Variants in CDH12 observed in about 807,000 individuals in gnomAD.
CDH12 encodes cadherin-12.
A neutral mutation model predicts 74.1 loss-of-function variants in CDH12; 41 were observed. The observed-to-expected ratio is 0.55, with a 90% confidence interval of 0.43 to 0.72. The LOEUF (loss-of-function observed/expected upper bound fraction) is 0.72. CDH12 is among the 30% of genes least tolerant of loss of function. CDH12 has a pLI of 0.00. For synonymous variants in CDH12, 399 were observed against 355.0 expected (o/e 1.12, Z -1.39); for missense variants, 945 against 977.2 (o/e 0.97, Z 0.44).
At chr5:22,411,018 T>A (rs968160516) in intron 2 of CDH12, among the ~76,000 whole-genome samples, 1 of 151,894 alleles carries the variant, frequency 6.6e-6, no homozygotes, top group South Asian at 2.1e-4. Context: ...AAAAAGAACA[T>A]AATTTTGGGG....
intron 1 of CDH12, among the ~76,000 whole-genome samples, chr5:22,838,324 T>C (rs1226826129): frequency 6.6e-5 from 10 of 152,132 alleles, no homozygotes; most frequent in South Asian, 2.1e-4. Context: ...CAGATTTTCT[T>C]GCCAACTTTG....
chr5:21,853,239 TTTCTCATCA>T (rs1750568242), intron 7 of CDH12, among the ~76,000 whole-genome samples: 1 of 151,602 alleles, frequency 6.6e-6, no homozygotes, highest in African/African-American at 2.4e-5. Flanking sequence ...AAGGTGTAAT[TTTCTCATCA>T]TGCACTCACT....
intron 4 of CDH12, among the ~76,000 whole-genome samples, chr5:22,175,530 T>C (rs1749282095): frequency 6.6e-6 from 1 of 152,100 alleles, no homozygotes; most frequent in Non-Finnish European, 1.5e-5. Context: ...GCTTGAGTTT[T>C]CCTAAGTATC....
chr5:22,772,030 G>A (rs1241260264), intron 1 of CDH12, among the ~76,000 whole-genome samples: 2 of 151,926 alleles, frequency 1.3e-5, no homozygotes, highest in Admixed American at 6.6e-5. Flanking sequence ...AATTAAACAG[G>A]TAAATCACCC....
chr5:22,587,863 T>TAC (rs552341710), intron 1 of CDH12, among the ~76,000 whole-genome samples: 93 of 149,360 alleles, frequency 6.2e-4, no homozygotes, highest in Admixed American at 3.1e-3. Flanking sequence ...TATATATATA[T>TAC]ACATATATAG....
At chr5:22,672,290 A>G (rs942787643) in intron 1 of CDH12, among the ~76,000 whole-genome samples, 3 of 151,510 alleles carry the variant, frequency 2.0e-5, no homozygotes, top group Non-Finnish European at 2.9e-5. Flanking sequence ...TCTGCATATT[A>G]TCATAACCAA....
At chr5:21,774,405 G>T (rs1745479303) in intron 11 of CDH12, 1 of 152,142 alleles carries the variant, frequency 6.6e-6, no homozygotes, top group African/African-American at 2.4e-5. Flanking sequence ...ACAGGCTGAA[G>T]GTTGCACTAT....
Position 22,315,380 on chromosome 5 carries a change from G to T in CDH12, c.-333+89877C>A, listed in dbSNP as rs149898696. 8.6e-3 allele frequency among the ~76,000 whole-genome samples: 1,303 copies of T among 152,052 alleles called. 4 individuals carry two copies. The highest frequency in any genetic ancestry group is 0.012 in the Non-Finnish European group (810 of 67,992). On this transcript the variant is annotated intron_variant, in intron 3 of 14. Coordinates refer to ENST00000382254, the MANE Select transcript of CDH12 (RefSeq NM_004061.5). ...ATAGCTTACTAGATTTTGTGACGAT[G>T]AGTTTATTTTTATATGAAGGTGTCT...
At chr5:22,498,012 T>G (rs271105) in intron 2 of CDH12, among the ~76,000 whole-genome samples, 3 of 152,100 alleles carry the variant, frequency 2.0e-5, no homozygotes, top group African/African-American at 7.2e-5. Context: ...GGCCTTCTTG[T>G]TGGTTTTTGA....
intron 1 of CDH12, among the ~76,000 whole-genome samples, chr5:22,789,373 T>TA (rs1747797467): frequency 2.6e-5 from 4 of 151,936 alleles, no homozygotes; most frequent in Admixed American, 2.6e-4. Flanking sequence ...TAATATAGAG[T>TA]ATGATATAAT....
intron 2 of CDH12, among the ~76,000 whole-genome samples, chr5:22,497,359 T>C (rs995629578): frequency 6.6e-6 from 1 of 152,162 alleles, no homozygotes; most frequent in Non-Finnish European, 1.5e-5. Context: ...TGAATTCACC[T>C]TGGATCTTTC....
At chr5:22,664,531 C>T (rs981915422) in intron 1 of CDH12, among the ~76,000 whole-genome samples, 2 of 152,250 alleles carry the variant, frequency 1.3e-5, no homozygotes, top group African/African-American at 4.8e-5. Context: ...ACCCTTGACT[C>T]GTAGGGATTA....
At chr5:22,799,235 A>C (rs1014349163) in intron 1 of CDH12, among the ~76,000 whole-genome samples, 2 of 152,216 alleles carry the variant, frequency 1.3e-5, no homozygotes, top group Non-Finnish European at 2.9e-5. Context: ...TAAATTTCTA[A>C]GGAGAACAGT....
intron 1 of CDH12, among the ~76,000 whole-genome samples, chr5:22,687,206 A>G (rs1317018421): frequency 6.6e-6 from 1 of 152,110 alleles, no homozygotes; most frequent in African/African-American, 2.4e-5. Flanking sequence ...AGGCAGGAAA[A>G]TCGTTTGAAC....
intron 4 of CDH12, among the ~76,000 whole-genome samples, chr5:22,089,775 G>T (rs1315896297): frequency 1.3e-5 from 2 of 151,870 alleles, no homozygotes; most frequent in African/African-American, 4.8e-5. Flanking sequence ...TCTGTAACTG[G>T]GGAAATTAAA....
At chr5:22,176,712 A>G (rs1182733669) in intron 4 of CDH12, among the ~76,000 whole-genome samples, 1 of 152,022 alleles carries the variant, frequency 6.6e-6, no homozygotes, top group Non-Finnish European at 1.5e-5. Flanking sequence ...TACCAGTCAA[A>G]CCAGATCTCT....
At chr5:22,738,388 C>T (rs1744852493) in intron 1 of CDH12, among the ~76,000 whole-genome samples, 1 of 151,886 alleles carries the variant, frequency 6.6e-6, no homozygotes, top group Non-Finnish European at 1.5e-5. Context: ...AGAGTGCAGC[C>T]AAATTGACAA....
At chr5:22,799,925 T>C (rs1206123953) in intron 1 of CDH12, among the ~76,000 whole-genome samples, 1 of 152,126 alleles carries the variant, frequency 6.6e-6, no homozygotes, top group Non-Finnish European at 1.5e-5. Context: ...TCATAATAAA[T>C]AAATATTTTC....
At chr5:22,029,762 G>C (rs1024291957) in intron 5 of CDH12, among the ~76,000 whole-genome samples, 1 of 151,708 alleles carries the variant, frequency 6.6e-6, no homozygotes, top group Non-Finnish European at 1.5e-5. Flanking sequence ...CCCATTACTG[G>C]GTATATACCC....
Sources: gnomAD v4.1 joint callset for allele counts (sites outside exome capture counted in the v4.1 genomes callset) on GRCh38, gnomAD v4.1.1 for gene constraint, MANE v1.5 for transcripts, NCBI Gene and HGNC (gene_info 2026-07-23, HGNC 2026-07-21) for gene names.